Variants in ADAMTSL1 observed in about 807,000 individuals in gnomAD.
The protein encoded by ADAMTSL1 is ADAMTS like 1, also known as ADAMTS-like protein 1.
Under a neutral mutation model 201.8 loss-of-function variants are expected in ADAMTSL1, and 126 were observed. The ratio of observed to expected loss-of-function variants is 0.62; its 90% CI spans 0.54 to 0.72. The LOEUF (loss-of-function observed/expected upper bound fraction) is 0.72. Among genes scored for constraint, ADAMTSL1 ranks in the 30% least tolerant of loss-of-function variants. ADAMTSL1 has a pLI of 0.00. For synonymous variants in ADAMTSL1, 1,121 were observed against 903.4 expected (o/e 1.24, Z -4.32); for missense variants, 2,679 against 2,277.8 (o/e 1.18, Z -3.59).
intron 1 of ADAMTSL1, among the ~76,000 whole-genome samples, chr9:18,029,525 A>G (rs535059563): frequency 0.03 from 4,639 of 152,290 alleles, 193 homozygotes; most frequent in African/African-American, 0.095. Flanking sequence ...AGCAATGGCA[A>G]CAAAAGCCAG....
At chr9:18,727,204 A>G (rs1817945835) in intron 15 of ADAMTSL1, among the ~76,000 whole-genome samples, 1 of 152,244 alleles carries the variant, frequency 6.6e-6, no homozygotes, top group African/African-American at 2.4e-5. Flanking sequence ...TGGAGCTTTC[A>G]AAGCCTTGCA....
In ADAMTSL1 at chr9:18,300,102, C is replaced by G. The variant is rs561661294; in HGVS notation, c.207+136121C>G. Among the ~76,000 whole-genome samples, 32 of 152,262 alleles carry G rather than the reference C, an allele frequency of 2.1e-4. No homozygotes were observed. The South Asian group carries it at 5.6e-3, about 27-fold the overall frequency. On this transcript the variant is annotated intron_variant, in intron 2 of 29. Transcript: ENST00000680146. Reference sequence around the variant, plus strand: ...GAAATACCATTTGACTCAGCAATCCCGTTACTGGGTATATACCCAAAGGAT... The same window carrying G: ...GAAATACCATTTGACTCAGCAATCCGGTTACTGGGTATATACCCAAAGGAT...
At chr9:18,470,215 A>G (rs1224180962), upstream of ADAMTSL1, among the ~76,000 whole-genome samples, 2 of 152,162 alleles carry the variant, frequency 1.3e-5, no homozygotes, top group Non-Finnish European at 2.9e-5. Flanking sequence ...GGGGATAATA[A>G]TCACTCTCTA....
At chr9:17,935,119 G>T (rs554587986) in intron 1 of ADAMTSL1, among the ~76,000 whole-genome samples, 2 of 152,084 alleles carry the variant, frequency 1.3e-5, no homozygotes, top group South Asian at 4.2e-4. Flanking sequence ...GCCATCAGCA[G>T]CCTTCATATT....
At chr9:18,295,748 T>C (rs1833454498) in intron 2 of ADAMTSL1, among the ~76,000 whole-genome samples, 1 of 152,202 alleles carries the variant, frequency 6.6e-6, no homozygotes, top group Admixed American at 6.5e-5. Context: ...AAATAGTTCA[T>C]GTACATACTC....
At position 18,777,449 on chromosome 9, in the gene ADAMTSL1, G is replaced by T; in HGVS notation, c.3220G>T (p.Glu1074Ter). Residue 1074 changes from glutamate (E) to a stop codon, truncating the protein, a stop_gained, in exon 19 of 29, where the codon GAG becomes TAG. Coordinates refer to ENST00000380548, the MANE Select transcript of ADAMTSL1 (RefSeq NM_001040272.6). LOFTEE classifies it high-confidence loss of function. ...LLHLPFTMVT[E>*]QRRLDDILGN... is the part of the protein sequence containing the mutation. ...GCACCTGCCCTTCACCATGGTGACC[G>T]AGCAGCGGCGCCTGGACGACATCCT... is the stretch of plus-strand genomic sequence containing the variant. 1 of 1,596,024 alleles carries T rather than the reference G, an allele frequency of 6.3e-7. No individual in the cohort carries two copies. The highest frequency in any genetic ancestry group is 1.1e-5 in the South Asian group (1 of 88,354).
At chr9:17,972,398 G>C (rs564136268) in intron 1 of ADAMTSL1, among the ~76,000 whole-genome samples, 3 of 145,596 alleles carry the variant, frequency 2.1e-5, no homozygotes, top group Non-Finnish European at 4.5e-5. Context: ...CCACCTATGA[G>C]TGAGAACATA....
rs141041224 is a variant in ADAMTSL1 at position 18,592,019 on chromosome 9, A to C, written c.474+17753A>C. Among the ~76,000 whole-genome samples the C allele has an allele frequency of 8.0e-3, 1,213 of 152,270 alleles. 10 individuals carry two copies. The highest frequency in any genetic ancestry group is 0.032 in the South Asian group (154 of 4,814). On this transcript the variant is annotated intron_variant, in intron 4 of 28. Coordinates refer to ENST00000380548, the MANE Select transcript of ADAMTSL1 (RefSeq NM_001040272.6). The stretch of plus-strand genomic sequence containing the variant: ...CAGTCAGGCATTGTCATGAAGAAAA[A>C]TTGGGCCCTTTCTGTTAACCAATGC...
At chr9:18,864,705 G>C (rs1221686331) in intron 23 of ADAMTSL1, among the ~76,000 whole-genome samples, 1 of 152,194 alleles carries the variant, frequency 6.6e-6, no homozygotes, top group Non-Finnish European at 1.5e-5. Context: ...AGGCTGTTTA[G>C]TCACAGAAGC....
chr9:18,837,703 C>A (rs1311660916), intron 23 of ADAMTSL1, among the ~76,000 whole-genome samples: 3 of 152,164 alleles, frequency 2.0e-5, no homozygotes, highest in Non-Finnish European at 4.4e-5. Context: ...AGAGCCACAC[C>A]CATTAATTTA....
chr9:18,016,764 C>T (rs1229114122), intron 1 of ADAMTSL1, among the ~76,000 whole-genome samples: 2 of 152,004 alleles, frequency 1.3e-5, no homozygotes, highest in African/African-American at 4.8e-5. Context: ...AATTTAACTT[C>T]AAATTGGTGG....
At chr9:18,712,492 G>A (rs1178587136) in intron 14 of ADAMTSL1, among the ~76,000 whole-genome samples, 1 of 151,852 alleles carries the variant, frequency 6.6e-6, no homozygotes, top group Non-Finnish European at 1.5e-5. Context: ...TGGAAGAAAG[G>A]GTATCAGCGA....
intron 2 of ADAMTSL1, among the ~76,000 whole-genome samples, chr9:18,234,596 C>T (rs1391210080): frequency 6.6e-6 from 1 of 152,086 alleles, no homozygotes; most frequent in Non-Finnish European, 1.5e-5. Context: ...GTTTGCCTGG[C>T]TTCAAAATTA....
chr9:18,593,993 G>C (rs1824093633), intron 4 of ADAMTSL1, among the ~76,000 whole-genome samples: 1 of 151,692 alleles, frequency 6.6e-6, no homozygotes, highest in South Asian at 2.1e-4. Flanking sequence ...TCTTGTAGAT[G>C]GTTTTGTTTG....
At chr9:18,710,208 A>G (rs1230366867) in intron 14 of ADAMTSL1, among the ~76,000 whole-genome samples, 2 of 152,076 alleles carry the variant, frequency 1.3e-5, no homozygotes, top group African/African-American at 4.8e-5. Flanking sequence ...ACCTCCCCTC[A>G]GCCTCAATTG....
At chr9:18,837,568 C>A (rs1434841591) in intron 23 of ADAMTSL1, among the ~76,000 whole-genome samples, 5 of 152,220 alleles carry the variant, frequency 3.3e-5, no homozygotes, top group African/African-American at 1.2e-4. Context: ...ACTTCTAATT[C>A]TTTTAAGTGG....
intron 2 of ADAMTSL1, among the ~76,000 whole-genome samples, chr9:18,514,905 G>A (rs1028591137): frequency 3.9e-5 from 6 of 152,142 alleles, no homozygotes; most frequent in Admixed American, 6.5e-5. Flanking sequence ...TGTTAGCTGA[G>A]GACTTTTCAC....
chr9:18,021,759 C>G (rs138318113), intron 1 of ADAMTSL1, among the ~76,000 whole-genome samples: 25 of 152,156 alleles, frequency 1.6e-4, no homozygotes, highest in African/African-American at 6.0e-4. Flanking sequence ...GGAAATTATT[C>G]TATTTATATA....
chr9:18,698,352 C>T (rs562478633), intron 13 of ADAMTSL1, among the ~76,000 whole-genome samples: 123 of 152,256 alleles, frequency 8.1e-4, no homozygotes, highest in African/African-American at 2.8e-3. Flanking sequence ...ATGATGATCT[C>T]GGCTCACTGC....
Sources: gnomAD v4.1 joint callset for allele counts (sites outside exome capture counted in the v4.1 genomes callset) on GRCh38, gnomAD v4.1.1 for gene constraint, MANE v1.5 for transcripts, NCBI Gene and HGNC (gene_info 2026-07-23, HGNC 2026-07-21) for gene names.